Variants in MON2 observed in about 807,000 individuals in gnomAD.
MON2 encodes MON2 regulator of endosome-to-Golgi trafficking.
A neutral mutation model predicts 208.6 loss-of-function variants in MON2; 84 were observed. The observed-to-expected ratio is 0.40, with a 90% CI of 0.34 to 0.48. The LOEUF (loss-of-function observed/expected upper bound fraction) is 0.48. Among genes scored for constraint, MON2 ranks in the 20% least tolerant of loss-of-function variants. The pLI, the probability that MON2 is intolerant of heterozygous loss-of-function variation, is 0.59. For synonymous variants in MON2, 660 were observed against 694.0 expected (o/e 0.95, Z 0.77); for missense variants, 1,611 against 2,015.4 (o/e 0.80, Z 3.84).
intron 8 of MON2, among the ~76,000 whole-genome samples, chr12:62,513,517 C>T (rs932937459): frequency 7.9e-5 from 12 of 152,048 alleles, no homozygotes; most frequent in Admixed American, 3.9e-4. Flanking sequence ...TGAGCCACTG[C>T]GCCCGGCCTG....
chr12:62,505,612 G>T (rs2071058039), intron 7 of MON2, among the ~76,000 whole-genome samples: 1 of 152,150 alleles, frequency 6.6e-6, no homozygotes, highest in African/African-American at 2.4e-5. Context: ...TAGGCGCAGT[G>T]GCTCACACCT....
intron 30 of MON2, among the ~76,000 whole-genome samples, chr12:62,576,429 C>T (rs1174259026): frequency 6.6e-6 from 1 of 151,864 alleles, no homozygotes; most frequent in Non-Finnish European, 1.5e-5. Context: ...TACTAAGGAA[C>T]ACTAAATTGT....
At chr12:62,539,246 A>T (rs139273700) in intron 19 of MON2, among the ~76,000 whole-genome samples, 1 of 152,012 alleles carries the variant, frequency 6.6e-6, no homozygotes, top group Non-Finnish European at 1.5e-5. Flanking sequence ...TAACTGTAGC[A>T]TTCAAAATTA....
rs181151004 is a variant in MON2, at chr12:62,590,356, G to A, written c.4990+2200G>A. Among the ~76,000 whole-genome samples the A allele has an allele frequency of 8.9e-4, 136 of 152,260 alleles. 1 individual carries two copies. The highest frequency in any genetic ancestry group is 3.1e-3 in the African/African-American group (129 of 41,544). ...AGTCTGCCCACCTTGGCCTCCGAAA[G>A]TGCTGGGATTGCAGGCATGAACAAC... On this transcript the variant is annotated intron_variant, in intron 34 of 34. Coordinates refer to ENST00000393630, the MANE Select transcript of MON2 (RefSeq NM_015026.3).
At position 62,596,970 on chromosome 12, in the gene MON2, A is replaced by G. The variant is rs776531279; in HGVS notation, c.*4221A>G. The G allele has an allele frequency of 1.3e-5, 2 of 152,212 alleles. No individual in the cohort carries two copies. Among genetic ancestry groups the G allele is most frequent in the African/African-American group, 2.4e-5 (1 of 41,462 alleles). 9.4% of individuals were successfully genotyped at this position (152,212 alleles called of 1,614,324 possible). On this transcript the variant is annotated 3_prime_UTR_variant, in exon 35 of 35. Coordinates refer to ENST00000393630, the MANE Select transcript of MON2 (RefSeq NM_015026.3). ...GGTCATCTCGACTAATTCTGAGGCAATGATGGACAGAGATGCTACTTCTTA... is the reference window on the plus strand; with the variant it reads ...GGTCATCTCGACTAATTCTGAGGCAGTGATGGACAGAGATGCTACTTCTTA...
chr12:62,501,041 AT>A (rs2070800154), intron 6 of MON2, among the ~76,000 whole-genome samples, 161 bp downstream of exon 6: 1 of 152,166 alleles, frequency 6.6e-6, no homozygotes, highest in Non-Finnish European at 1.5e-5. Flanking sequence ...TATTTACTTT[AT>A]AGCTAATTAA....
intron 7 of MON2, among the ~76,000 whole-genome samples, chr12:62,507,157 CT>C (rs5798646): frequency 1 from 152,274 of 152,332 alleles, 76,108 homozygotes; most frequent in Non-Finnish European, 1. Context: ...ATTATTAAAT[CT>C]TCTGCATGAA....
Position 62,597,453 on chromosome 12 carries a change from T to C in MON2, c.*4704T>C, listed in dbSNP as rs1468676695. ...AGTGGAAAGTAGAAATACTTTGCAC[T>C]TTGGCCACTGTTGCGTTTTTGCCAA... On this transcript the variant is annotated 3_prime_UTR_variant, in exon 35 of 35. Transcript: ENST00000393630. 6.6e-6 allele frequency: 1 copy of C among 152,178 alleles called. No homozygotes were observed. Among genetic ancestry groups the C allele is most frequent in the African/African-American group, 2.4e-5 (1 of 41,454 alleles). 9.4% of individuals were successfully genotyped at this position (152,178 alleles called of 1,614,324 possible).
chr12:62,475,547 A>G (rs1190989625), intron 1 of MON2, among the ~76,000 whole-genome samples: 1 of 151,762 alleles, frequency 6.6e-6, no homozygotes, highest in African/African-American at 2.4e-5. Context: ...TTTGCACTAT[A>G]GTGAATTTAG....
At chr12:62,552,839 A>T (rs1460379184) in intron 23 of MON2, 42 bp from the exon 24 acceptor site, 22 of 1,530,378 alleles carry the variant, frequency 1.4e-5, no homozygotes, top group Non-Finnish European at 2.0e-5. Context: ...TGTTTAAAAC[A>T]AAACCTTGGA....
At chr12:62,579,338 A>C (rs942026424) in intron 31 of MON2, among the ~76,000 whole-genome samples, 2 of 152,028 alleles carry the variant, frequency 1.3e-5, no homozygotes, top group African/African-American at 4.8e-5. Context: ...GTGGTTGTGG[A>C]TTTTTTTGTT....
intron 8 of MON2, among the ~76,000 whole-genome samples, chr12:62,520,001 G>A (rs1436922062): frequency 6.6e-6 from 1 of 152,182 alleles, no homozygotes; most frequent in East Asian, 1.9e-4. Flanking sequence ...ATTTTCAGTA[G>A]AGACGGGGTT....
intron 5 of MON2, among the ~76,000 whole-genome samples, chr12:62,500,184 A>G (rs2070753426): frequency 6.6e-6 from 1 of 152,222 alleles, no homozygotes; most frequent in Non-Finnish European, 1.5e-5. Context: ...AGTAAGGTAG[A>G]AATACTTAGA....
intron 33 of MON2, among the ~76,000 whole-genome samples, chr12:62,587,456 T>C (rs906699510): frequency 6.6e-5 from 10 of 151,970 alleles, no homozygotes; most frequent in African/African-American, 2.2e-4. Context: ...CAGTGGCTCA[T>C]GCCTGTAATC....
chr12:62,471,886 G>A (rs907568269), intron 1 of MON2, among the ~76,000 whole-genome samples: 1 of 152,200 alleles, frequency 6.6e-6, no homozygotes, highest in Non-Finnish European at 1.5e-5. Context: ...AGGAAAAACC[G>A]GGTTTGAATG....
At chr12:62,548,104 G>A (rs1015306328) in intron 22 of MON2, among the ~76,000 whole-genome samples, 1 of 152,116 alleles carries the variant, frequency 6.6e-6, no homozygotes, top group Non-Finnish European at 1.5e-5. Context: ...AAATTCATGT[G>A]GGAGACATTT....
chr12:62,546,881 C>G lies in MON2; in HGVS notation c.2578-16C>G, dbSNP rs776337008. On this transcript the variant is annotated splice_polypyrimidine_tract_variant and intron_variant, in intron 21 of 34. Coordinates refer to ENST00000393630, the MANE Select transcript of MON2 (RefSeq NM_015026.3). Reference sequence around the variant, plus strand: ...TTGGACTTCTCTTCCTAATTAGTTTCTTGCCCCCTTTTCAGAGGCTGCAGT... The same window carrying G: ...TTGGACTTCTCTTCCTAATTAGTTTGTTGCCCCCTTTTCAGAGGCTGCAGT... The G allele has an allele frequency of 1.9e-6, 3 of 1,574,856 alleles. No homozygotes were observed. In the South Asian group the frequency reaches 3.5e-5, roughly 18 times the overall value.
At chr12:62,470,186 C>G (rs980557282) in intron 1 of MON2, among the ~76,000 whole-genome samples, 3 of 151,986 alleles carry the variant, frequency 2.0e-5, no homozygotes, top group Non-Finnish European at 2.9e-5. Context: ...GGATTATAGG[C>G]GTATCCCAGG....
At chr12:62,485,575 A>T (rs986276409) in intron 2 of MON2, among the ~76,000 whole-genome samples, 4 of 149,326 alleles carry the variant, frequency 2.7e-5, no homozygotes, top group African/African-American at 9.7e-5. Flanking sequence ...CAATAGTTTT[A>T]TAACATTATG....
Sources: allele counts gnomAD v4.1 joint callset (sites outside exome capture counted in the v4.1 genomes callset), GRCh38; gene constraint gnomAD v4.1.1; transcripts MANE v1.5; gene names NCBI Gene and HGNC (gene_info 2026-07-23, HGNC 2026-07-21).